CD1B: variants seen among roughly 807,000 people sequenced by gnomAD.
CD1B encodes the protein CD1b molecule, also known as T-cell surface glycoprotein CD1b.
A neutral mutation model predicts 39.8 loss-of-function variants in CD1B; 43 were observed. The observed-to-expected ratio is 1.08, with a 90% CI of 0.85 to 1.39. The LOEUF (loss-of-function observed/expected upper bound fraction) is 1.39. CD1B is among the 40% of genes most tolerant of loss of function. CD1B has a pLI of 0.00. For synonymous variants in CD1B, 192 were observed against 152.5 expected (o/e 1.26, Z -1.91); for missense variants, 495 against 403.8 (o/e 1.23, Z -1.94).
the CD1B span, chr1:158,292,216 G>C: frequency 6.2e-7 from 1 of 1,614,160 alleles, no homozygotes; most frequent in Non-Finnish European, 8.5e-7. Context: ...CCATCTCCAG[G>C]CTGTGGAAGT....
the CD1B span, among the ~76,000 whole-genome samples, chr1:158,304,756 C>A: frequency 4.6e-5 from 7 of 152,208 alleles, no homozygotes; most frequent in Non-Finnish European, 8.8e-5. Context: ...GAGGAATAAT[C>A]GGCAGCAACA....
downstream of CD1B, among the ~76,000 whole-genome samples, chr1:158,324,372 C>T (rs1306514896): frequency 1.3e-5 from 2 of 152,142 alleles, no homozygotes; most frequent in Non-Finnish European, 2.9e-5. Context: ...AGACTTTTGT[C>T]TGTGGATGAG....
Position 158,330,957 on chromosome 1 carries a change from T to C in CD1B, c.167A>G (p.His56Arg), listed in dbSNP as rs771455053. The change falls in exon 2 of 6, where the codon CAT becomes CGT. Residue 56 changes from histidine (H) to arginine (R), a missense_variant. Transcript: ENST00000368168. Reference sequence around the variant, plus strand: ...AGTGCCTGAGTCGCTATCCCAGCCATGAATCTGCAAATCATCCAACCAGCC... The same window carrying C: ...AGTGCCTGAGTCGCTATCCCAGCCACGAATCTGCAAATCATCCAACCAGCC... Reference protein sequence around the residue: ...GSGWLDDLQIHGWDSDSGTAI... With the variant: ...GSGWLDDLQIRGWDSDSGTAI... 3 of 1,614,002 alleles carry C rather than the reference T, an allele frequency of 1.9e-6. No individual in the cohort carries two copies. The highest frequency in any genetic ancestry group is 2.7e-5 in the African/African-American group (2 of 74,896).
downstream of CD1B, among the ~76,000 whole-genome samples, chr1:158,326,733 C>T (rs765995537): frequency 6.6e-6 from 1 of 151,976 alleles, no homozygotes; most frequent in Non-Finnish European, 1.5e-5. Flanking sequence ...TTTTTCAAAA[C>T]TGTCTAATGA....
the CD1B span, among the ~76,000 whole-genome samples, chr1:158,294,069 G>T: frequency 6.6e-6 from 1 of 152,168 alleles, no homozygotes; most frequent in Non-Finnish European, 1.5e-5. Context: ...TTAAGGAAAA[G>T]TGCAGCCTTG....
At chr1:158,318,684 G>A in the CD1B span, among the ~76,000 whole-genome samples, 1 of 152,108 alleles carries the variant, frequency 6.6e-6, no homozygotes, top group African/African-American at 2.4e-5. Context: ...ATATTGTTAT[G>A]TGTGAATTTG....
In CD1B at chr1:158,329,995, C is replaced by A; in HGVS notation, c.464G>T (p.Gly155Val). Reference sequence around the variant, plus strand: ...ACAGAATTTCTGTGCCCTGCTGCCACCTTCTGGGGAAGGCACACATGAAGC... The same window carrying A: ...ACAGAATTTCTGTGCCCTGCTGCCAACTTCTGGGGAAGGCACACATGAAGC... ...KNASCVPSPE[G>V]GSRAQKFCAL... The change falls in exon 3 of 6, where the codon GGT (glycine) becomes GTT (valine). Residue 155 changes from glycine (G) to valine (V), a missense_variant. By Grantham distance (109) the Gly-to-Val change is moderately radical. Transcript: ENST00000368168. 1 of 1,614,124 alleles carries A rather than the reference C, an allele frequency of 6.2e-7. No individual in the cohort carries two copies. Among genetic ancestry groups the A allele is most frequent in the South Asian group, 1.1e-5 (1 of 91,084 alleles).
At position 158,329,613 on chromosome 1, in the gene CD1B, G is replaced by T. The variant is rs1652503343; in HGVS notation, c.643C>A (p.Pro215Thr). ...ACAAGCTGCAGACGGCCAGGTCCAG[G>T]ACTGGGGCCACTGGACAGCCAGGCC... Reference protein sequence around the residue: ...PEAWLSSGPSPGPGRLQLVCH... With the variant: ...PEAWLSSGPSTGPGRLQLVCH... Residue 215 changes from proline to threonine, a missense_variant, in exon 4 of 6, where the codon CCT becomes ACT. Coordinates refer to ENST00000368168, the MANE Select transcript of CD1B (RefSeq NM_001764.3). The T allele has an allele frequency of 6.2e-7, 1 of 1,614,128 alleles. No individual in the cohort carries two copies. The highest frequency in any genetic ancestry group is 8.5e-7 in the Non-Finnish European group (1 of 1,180,028).
the CD1B span, among the ~76,000 whole-genome samples, chr1:158,285,899 C>T: frequency 1.3e-5 from 2 of 152,020 alleles, no homozygotes; most frequent in African/African-American, 4.8e-5. Flanking sequence ...AGTCACGTGG[C>T]TGTGGGAGGC....
At chr1:158,331,178 G>A in intron 1 of CD1B, 116 bp from the exon 2 acceptor site, 7 of 1,212,568 alleles carry the variant, frequency 5.8e-6, no homozygotes, top group South Asian at 1.5e-5. Flanking sequence ...AAGAACACAG[G>A]AAGTCTGACA....
At chr1:158,297,462 A>G in the CD1B span, among the ~76,000 whole-genome samples, 1 of 152,236 alleles carries the variant, frequency 6.6e-6, no homozygotes, top group East Asian at 1.9e-4. Context: ...ATGGAAATAA[A>G]AGACTCTTAC....
At chr1:158,296,195 G>A in the CD1B span, among the ~76,000 whole-genome samples, 1 of 151,372 alleles carries the variant, frequency 6.6e-6, no homozygotes, top group Non-Finnish European at 1.5e-5. Context: ...CCCACCATAG[G>A]AGTGTTGTTG....
chr1:158,318,671 T>C, the CD1B span, among the ~76,000 whole-genome samples: 13 of 152,318 alleles, frequency 8.5e-5, no homozygotes, highest in Admixed American at 8.5e-4. Flanking sequence ...ACATTTAAAG[T>C]TAATATTGTT....
At chr1:158,295,810 C>T in the CD1B span, among the ~76,000 whole-genome samples, 1 of 152,038 alleles carries the variant, frequency 6.6e-6, no homozygotes, top group African/African-American at 2.4e-5. Context: ...CTGGCTGACC[C>T]CACCAAACCA....
At chr1:158,295,566 T>C in the CD1B span, among the ~76,000 whole-genome samples, 1 of 152,118 alleles carries the variant, frequency 6.6e-6, no homozygotes, top group Non-Finnish European at 1.5e-5. Flanking sequence ...GTTAGGGATG[T>C]CCATTACCCG....
At chr1:158,323,515 G>A (rs1652256078), downstream of CD1B, among the ~76,000 whole-genome samples, 1 of 152,070 alleles carries the variant, frequency 6.6e-6, no homozygotes, top group South Asian at 2.1e-4. Flanking sequence ...TCTGTTTGGT[G>A]AGGTCAAAAT....
chr1:158,328,001 A>G lies in CD1B; in HGVS notation c.*235T>C, dbSNP rs2101710277. ...TATTTTGAGACACATTTTTTCTAAC[A>G]TTTTAATGTGTGTAAAATCAGGGTG... is the stretch of plus-strand genomic sequence containing the variant. On this transcript the variant is annotated 3_prime_UTR_variant, in exon 6 of 6. Transcript: ENST00000368168. The G allele has an allele frequency of 9.5e-6, 4 of 420,330 alleles. No individual in the cohort carries two copies. In the East Asian group the frequency reaches 1.4e-4, roughly 15 times the overall value. The allele number at this position is 420,330 out of a possible 1,614,324, so 26.0% of individuals were successfully genotyped here. A position where few individuals can be genotyped will look rare whatever the true frequency, so the allele number is the denominator to read the frequency against.
chr1:158,323,355 G>T (rs543791973), downstream of CD1B, among the ~76,000 whole-genome samples: 12 of 151,654 alleles, frequency 7.9e-5, no homozygotes, highest in Non-Finnish European at 1.3e-4. Context: ...CATTACTTTA[G>T]TCCCTGTTAA....
chr1:158,320,339 G>T, the CD1B span, among the ~76,000 whole-genome samples: 5 of 152,230 alleles, frequency 3.3e-5, no homozygotes, highest in African/African-American at 7.2e-5. Flanking sequence ...CTCCGAAGCA[G>T]GTGTGGGATA....
Sources: allele counts gnomAD v4.1 joint callset (sites outside exome capture counted in the v4.1 genomes callset), GRCh38; gene constraint gnomAD v4.1.1; transcripts MANE v1.5; gene names NCBI Gene and HGNC (gene_info 2026-07-23, HGNC 2026-07-21).